TMEM63C: variants seen among roughly 807,000 people sequenced by gnomAD.
The protein encoded by TMEM63C is transmembrane protein 63C, also known as osmosensitive cation channel TMEM63C.
TMEM63C carries 32 observed loss-of-function variants against 99.2 expected under a neutral mutation model. The ratio of observed to expected loss-of-function variants is 0.32; its 90% CI spans 0.24 to 0.43. The LOEUF is 0.43. Ranked by LOEUF, TMEM63C falls within the 20% of genes least tolerant of loss-of-function variation. TMEM63C has a pLI of 1.00. For synonymous variants in TMEM63C, 376 were observed against 397.9 expected (o/e 0.94, Z 0.66); for missense variants, 826 against 1,053.0 (o/e 0.78, Z 2.98).
chr14:77,223,649 A>G (rs1566624348), intron 5 of TMEM63C, among the ~76,000 whole-genome samples: 1 of 151,816 alleles, frequency 6.6e-6, no homozygotes. Flanking sequence ...GTGTGTGTGT[A>G]TGTGTGTGCA....
intron 5 of TMEM63C, among the ~76,000 whole-genome samples, chr14:77,224,870 G>A (rs906657791): frequency 1.4e-4 from 22 of 152,036 alleles, no homozygotes; most frequent in Non-Finnish European, 2.1e-4. Context: ...GTCTTGCTGT[G>A]TTGCCCAGGC....
chr14:77,186,801 C>CTCTGTGTGTG lies in TMEM63C; in HGVS notation c.-77+4908_-77+4909insCTGTGTGTGT, dbSNP rs1888005237. 4.0e-4 allele frequency among the ~76,000 whole-genome samples: 59 copies of CTCTGTGTGTG among 146,484 alleles called. No homozygotes were observed. In the East Asian group the frequency reaches 7.5e-3, roughly 19 times the overall value. Reference sequence around the variant, plus strand: ...GGTGTGTGTGTGTGTGTGTGTGTGTCTGTGTGTGTGTGTGTGTGTCTGTGT... The same window carrying CTCTGTGTGTG: ...GGTGTGTGTGTGTGTGTGTGTGTGTCTCTGTGTGTGTGTGTGTGTGTGTGTGTGTCTGTGT... On this transcript the variant is annotated intron_variant, in intron 1 of 23. Coordinates refer to ENST00000298351, the MANE Select transcript of TMEM63C (RefSeq NM_020431.4).
intron 1 of TMEM63C, among the ~76,000 whole-genome samples, chr14:77,187,850 T>G (rs1470832799): frequency 3.3e-5 from 5 of 152,226 alleles, no homozygotes; most frequent in Non-Finnish European, 7.3e-5. Flanking sequence ...GAGCCTGCCA[T>G]TGAAGGCTCA....
intron 1 of TMEM63C, among the ~76,000 whole-genome samples, chr14:77,208,322 C>T (rs185699906): frequency 8.5e-4 from 130 of 152,292 alleles, no homozygotes; most frequent in Non-Finnish European, 1.4e-3. Context: ...AGTTCACGTC[C>T]TTTCACCTGC....
intron 2 of TMEM63C, among the ~76,000 whole-genome samples, chr14:77,216,863 C>T (rs946205872): frequency 8.5e-5 from 13 of 152,304 alleles, no homozygotes; most frequent in Non-Finnish European, 1.9e-4. Context: ...TCCTGCTCCC[C>T]CACCTAGTCT....
rs574886434 is a variant in TMEM63C, at chr14:77,184,615, G to C, written c.-77+2721G>C. ...AAGGCTGTAATGAAAGTGCTCAGAG[G>C]AAGTGCTCAGCTTCCAGTGAGATCA... On this transcript the variant is annotated intron_variant, in intron 1 of 23. Transcript: ENST00000298351. Among the ~76,000 whole-genome samples the C allele has an allele frequency of 1.1e-4, 16 of 152,348 alleles. No homozygotes were observed. In the South Asian group the frequency reaches 3.3e-3, roughly 32 times the overall value.
At chr14:77,232,015 G>A (rs17105547) in intron 7 of TMEM63C, among the ~76,000 whole-genome samples, 16,315 of 152,202 alleles carry the variant, frequency 0.11, 977 homozygotes, top group Middle Eastern at 0.17. Context: ...CTGGCTGGGC[G>A]TTCCTGGAGA....
At chr14:77,232,555 T>G (rs750547417) in intron 7 of TMEM63C, among the ~76,000 whole-genome samples, 5 of 152,202 alleles carry the variant, frequency 3.3e-5, no homozygotes, top group Non-Finnish European at 7.3e-5. Context: ...CCTAAAATGC[T>G]GAGATTACAG....
chr14:77,208,774 G>A (rs1888447382), intron 1 of TMEM63C, among the ~76,000 whole-genome samples: 1 of 152,240 alleles, frequency 6.6e-6, no homozygotes, highest in South Asian at 2.1e-4. Flanking sequence ...AGTGTTAGCT[G>A]TTATTCTTAT....
chr14:77,251,784 G>C lies in TMEM63C; in HGVS notation c.2039-5G>C, dbSNP rs775100620. The C allele has an allele frequency of 1.1e-5, 17 of 1,612,558 alleles. No individual in the cohort carries two copies. Among genetic ancestry groups the C allele is most frequent in the Non-Finnish European group, 1.4e-5 (16 of 1,178,674 alleles). ...CTGCCCATGACTTTTTCTCCTCCTC[G>C]GCAGGTTCTCTCCACGCCATCACCA... On this transcript the variant is annotated splice_polypyrimidine_tract_variant and splice_region_variant and intron_variant, in intron 21 of 23. Coordinates refer to ENST00000298351, the MANE Select transcript of TMEM63C (RefSeq NM_020431.4).
intron 1 of TMEM63C, among the ~76,000 whole-genome samples, chr14:77,187,294 T>C (rs927400064): frequency 6.6e-6 from 1 of 152,180 alleles, no homozygotes; most frequent in East Asian, 1.9e-4. Context: ...TGAAGTTGCT[T>C]GAGACGAAAA....
intron 1 of TMEM63C, among the ~76,000 whole-genome samples, chr14:77,194,256 A>G (rs1335023323): frequency 6.6e-6 from 1 of 151,920 alleles, no homozygotes; most frequent in Non-Finnish European, 1.5e-5. Context: ...GATGTATGTT[A>G]ATTAGCAAAG....
At chr14:77,253,398 C>T (rs1231988141) in intron 23 of TMEM63C, 22 bp downstream of exon 23, 4 of 1,596,378 alleles carry the variant, frequency 2.5e-6, no homozygotes, top group African/African-American at 1.3e-5. Context: ...GTCCCAGGGA[C>T]AGGTTGGGAG....
intron 5 of TMEM63C, among the ~76,000 whole-genome samples, chr14:77,222,689 G>A (rs1888746696): frequency 6.6e-6 from 1 of 152,070 alleles, no homozygotes; most frequent in Non-Finnish European, 1.5e-5. Flanking sequence ...CCCTTTCCCA[G>A]GCTCTTCCCT....
chr14:77,207,559 C>A (rs2140101033), intron 1 of TMEM63C, among the ~76,000 whole-genome samples: 1 of 152,336 alleles, frequency 6.6e-6, no homozygotes, highest in African/African-American at 2.4e-5. Context: ...GTAGTGGAGG[C>A]AGACACTTAG....
chr14:77,224,232 A>G (rs544789490), intron 5 of TMEM63C, among the ~76,000 whole-genome samples: 1 of 152,032 alleles, frequency 6.6e-6, no homozygotes, highest in South Asian at 2.1e-4. Flanking sequence ...TGCCTTCTCA[A>G]AAGGAAGCAA....
At chr14:77,248,309 G>T (rs1263770492) in intron 18 of TMEM63C, 38 bp from the exon 19 acceptor site, 1 of 1,559,234 alleles carries the variant, frequency 6.4e-7, no homozygotes. Context: ...CTCTCCCTGT[G>T]GCTTCTGTTG....
At chr14:77,219,658 C>A (rs540395470) in intron 4 of TMEM63C, 81 bp downstream of exon 4, 2 of 1,433,634 alleles carry the variant, frequency 1.4e-6, no homozygotes, top group African/African-American at 1.4e-5. Context: ...CTCTGCCCAG[C>A]GCCCGAGCTG....
chr14:77,221,957 TCTC>T (rs147909800), intron 5 of TMEM63C, among the ~76,000 whole-genome samples: 20,584 of 151,752 alleles, frequency 0.14, 1,768 homozygotes, highest in African/African-American at 0.24. Flanking sequence ...TTAGCAGACT[TCTC>T]CTCCACACCG....
Sources: allele counts gnomAD v4.1 joint callset (sites outside exome capture counted in the v4.1 genomes callset), GRCh38; gene constraint gnomAD v4.1.1; transcripts MANE v1.5; gene names NCBI Gene and HGNC (gene_info 2026-07-23, HGNC 2026-07-21).